The following MAX variants were observed in gnomAD, a reference collection of about 807,000 sequenced individuals.
MAX encodes the protein protein max.
In MAX, 3 loss-of-function variants were observed where a neutral mutation model predicts 22.3. The ratio of observed to expected loss-of-function variants is 0.13; its 90% CI spans 0.06 to 0.35. MAX has a LOEUF of 0.35. MAX is among the 10% of genes least tolerant of loss of function. MAX has a pLI of 1.00. For missense variants in MAX, 119 were observed against 209.4 expected, an observed-to-expected ratio of 0.57 and a Z score of 2.66; for synonymous variants, 72 against 77.7, an observed-to-expected ratio of 0.93 and a Z score of 0.39.
At chr14:65,042,026 A>G (rs1414110557) in intron 3 of MAX, among the ~76,000 whole-genome samples, 1 of 152,192 alleles carries the variant, frequency 6.6e-6, no homozygotes, top group Non-Finnish European at 1.5e-5. Flanking sequence ...AGGTAGGGAT[A>G]ACAATCCTTA....
intron 3 of MAX, among the ~76,000 whole-genome samples, chr14:65,081,505 G>A (rs982340207): frequency 1.3e-5 from 2 of 152,108 alleles, no homozygotes; most frequent in Non-Finnish European, 2.9e-5. Flanking sequence ...CAGCAAACAC[G>A]AAACCAGCAA....
chr14:65,086,938 G>A (rs2063350058), intron 3 of MAX, among the ~76,000 whole-genome samples: 1 of 152,214 alleles, frequency 6.6e-6, no homozygotes, highest in Non-Finnish European at 1.5e-5. Context: ...GCTGGGCCCA[G>A]GGTCCACAGG....
downstream of MAX, among the ~76,000 whole-genome samples, chr14:65,071,254 G>A (rs2062985931): frequency 6.6e-6 from 1 of 151,932 alleles, no homozygotes; most frequent in Non-Finnish European, 1.5e-5. This position sits in a 1 kb window ranked among gnomAD's most constrained non-coding sequence, Gnocchi z 4.2. Context: ...CGATTCTCCT[G>A]CCTCAGTCTC....
chr14:65,015,636 C>T (rs1464253967), intron 3 of MAX: 1 of 1,613,966 alleles, frequency 6.2e-7, no homozygotes, highest in African/African-American at 1.3e-5. Context: ...GTCTGGATGC[C>T]AGCCGCCCAT....
In MAX at chr14:65,040,689, C is replaced by T. The variant is rs559276519; in HGVS notation, c.172-34405G>A. The T allele has an allele frequency of 3.1e-5, 42 of 1,373,670 alleles. No individual in the cohort carries two copies. In the African/African-American group the frequency reaches 5.9e-4, roughly 19 times the overall value. 85.1% of individuals were successfully genotyped at this position (1,373,670 alleles called of 1,614,324 possible). ...CATTCATAGTTGTGATGGTTCACAC[C>T]TTAATCTGAGTGAACTTTTTCTCTG... On this transcript the variant is annotated intron_variant, in intron 3 of 3. Transcript: ENST00000341653.
chr14:65,055,177 T>G (rs2062704064), intron 3 of MAX, among the ~76,000 whole-genome samples: 1 of 147,280 alleles, frequency 6.8e-6, no homozygotes, highest in South Asian at 2.2e-4. Context: ...TTTACTCAGT[T>G]GGTGGTGTGT....
intron 3 of MAX, among the ~76,000 whole-genome samples, chr14:65,010,206 C>A (rs1011334946): frequency 2.0e-5 from 3 of 152,212 alleles, no homozygotes; most frequent in African/African-American, 7.2e-5. Context: ...TTGCTCTTCC[C>A]TAGCATATGT....
At chr14:65,091,273 G>A (rs1450174255) in intron 3 of MAX, among the ~76,000 whole-genome samples, 1 of 152,136 alleles carries the variant, frequency 6.6e-6, no homozygotes, top group Admixed American at 6.5e-5. Flanking sequence ...TATTCTGTTC[G>A]ACTCACGGCA....
intron 3 of MAX, among the ~76,000 whole-genome samples, chr14:65,049,535 G>T (rs1337918020): frequency 6.6e-6 from 1 of 152,140 alleles, no homozygotes; most frequent in Non-Finnish European, 1.5e-5. Context: ...CCAAATTCAG[G>T]ATATCTGGAA....
Position 65,027,440 on chromosome 14 carries a change from G to C in MAX, c.172-21156C>G, listed in dbSNP as rs530407196. 3 of 1,613,446 alleles carry C rather than the reference G, an allele frequency of 1.9e-6. No homozygotes were observed. In the South Asian group the frequency reaches 3.3e-5, roughly 18 times the overall value. On this transcript the variant is annotated intron_variant, in intron 3 of 3. Transcript: ENST00000341653. This position sits in a 1 kb window ranked among gnomAD's most constrained non-coding sequence, Gnocchi z 5.7. ...TCTCTGACTTTGTTTTTGCCCTTTG[G>C]CTGTGTACCTAGTGTGTGTCAGTTC...
chr14:65,026,286 C>G (rs2061979740), intron 3 of MAX, among the ~76,000 whole-genome samples: 1 of 152,204 alleles, frequency 6.6e-6, no homozygotes, highest in African/African-American at 2.4e-5. Flanking sequence ...AGACCCCGGA[C>G]TGATGATAGG....
chr14:65,015,772 G>C, intron 3 of MAX: 1 of 1,580,708 alleles, frequency 6.3e-7, no homozygotes, highest in Non-Finnish European at 8.7e-7. Context: ...TTTGAGTTTG[G>C]GATTTTGTTT....
At chr14:65,006,957 TTCC>T (rs1446863481) in intron 3 of MAX, among the ~76,000 whole-genome samples, 7 of 152,242 alleles carry the variant, frequency 4.6e-5, no homozygotes, top group African/African-American at 1.7e-4. Context: ...AAAAAAAGTG[TTCC>T]TCCTGGGCTC....
chr14:65,046,368 T>C (rs2062477385), intron 3 of MAX, among the ~76,000 whole-genome samples: 1 of 152,220 alleles, frequency 6.6e-6, no homozygotes, highest in South Asian at 2.1e-4. Flanking sequence ...GGTCAGTCTT[T>C]TACAAACCTG....
chr14:65,079,016 C>T lies in MAX; in HGVS notation c.172-980G>A, dbSNP rs1264787154. ...AGCCATCCGACTCCTGAACTGTACTCCTCCCATCTCCTCTGGTTCTTTAGG... is the reference window on the plus strand; with the variant it reads ...AGCCATCCGACTCCTGAACTGTACTTCTCCCATCTCCTCTGGTTCTTTAGG... On this transcript the variant is annotated intron_variant, in intron 3 of 4. Coordinates refer to ENST00000358664, the MANE Select transcript of MAX (RefSeq NM_002382.5). This position sits in a 1 kb window ranked among gnomAD's most constrained non-coding sequence, Gnocchi z 4.5. Among the ~76,000 whole-genome samples, 2 of 152,234 alleles carry T rather than the reference C, an allele frequency of 1.3e-5. No individual in the cohort carries two copies. Among genetic ancestry groups the T allele is most frequent in the Non-Finnish European group, 2.9e-5 (2 of 68,044 alleles).
chr14:65,055,334 A>AAT (rs1383408528), intron 3 of MAX, among the ~76,000 whole-genome samples: 6 of 152,160 alleles, frequency 3.9e-5, no homozygotes, highest in Non-Finnish European at 8.8e-5. Context: ...GACTGTCCCC[A>AAT]GTGATCAAAT....
intron 3 of MAX, among the ~76,000 whole-genome samples, chr14:65,038,410 A>T (rs1021813667): frequency 2.7e-5 from 4 of 150,832 alleles, no homozygotes; most frequent in Non-Finnish European, 5.9e-5. Context: ...ACTCCATCTC[A>T]AAATAAATAA....
intron 3 of MAX, among the ~76,000 whole-genome samples, chr14:65,017,052 A>G (rs375569485): frequency 1.6e-4 from 25 of 151,586 alleles, no homozygotes; most frequent in African/African-American, 6.1e-4. Context: ...CCTCCTGAGT[A>G]GCTGGGATTA....
intron 3 of MAX, among the ~76,000 whole-genome samples, chr14:65,042,629 C>G (rs2062377571): frequency 6.6e-6 from 1 of 152,218 alleles, no homozygotes; most frequent in African/African-American, 2.4e-5. Context: ...GACCCCTGCT[C>G]TAATCCAGAC....
Sources: allele counts gnomAD v4.1 joint callset (sites outside exome capture counted in the v4.1 genomes callset), GRCh38; gene constraint gnomAD v4.1.1; non-coding constraint Gnocchi (gnomAD v3.1); transcripts MANE v1.5; gene names NCBI Gene and HGNC (gene_info 2026-07-23, HGNC 2026-07-21).